PCDHGB5: variants seen among roughly 807,000 people sequenced by gnomAD.
PCDHGB5 encodes the protein protocadherin gamma-B5.
A neutral mutation model predicts 62.9 loss-of-function variants in PCDHGB5; 48 were observed. The observed-to-expected ratio is 0.76, with a 90% CI of 0.61 to 0.97. The LOEUF (loss-of-function observed/expected upper bound fraction) is 0.97, where lower values mean the gene tolerates loss of function less well. PCDHGB5 is among the 50% of genes least tolerant of loss of function. PCDHGB5 has a pLI of 0.00. For synonymous variants in PCDHGB5, 474 were observed against 511.2 expected (o/e 0.93, Z 0.98); for missense variants, 1,118 against 1,198.6 (o/e 0.93, Z 0.99).
intron 1 of PCDHGB5, among the ~76,000 whole-genome samples, chr5:141,433,790 T>A (rs1052636810): frequency 2.0e-5 from 3 of 151,564 alleles, no homozygotes; most frequent in South Asian, 4.2e-4. Flanking sequence ...TGAGCTGAGA[T>A]TGTGCCATTG....
intron 1 of PCDHGB5, among the ~76,000 whole-genome samples, chr5:141,437,499 CA>C (rs2097890101): frequency 6.6e-6 from 1 of 152,076 alleles, no homozygotes; most frequent in African/African-American, 2.4e-5. Context: ...GATCACTTTT[CA>C]ATGAATTATA....
chr5:141,417,141 C>T (rs1455831459), intron 1 of PCDHGB5: 1 of 152,018 alleles, frequency 6.6e-6, no homozygotes, highest in Non-Finnish European at 1.5e-5. Context: ...ATGACTAGGG[C>T]AATGGTTGCA....
At chr5:141,427,371 G>A (rs772247790) in intron 1 of PCDHGB5, 3 of 458,018 alleles carry the variant, frequency 6.5e-6, no homozygotes, top group East Asian at 6.9e-5. Context: ...ACCCTGGACG[G>A]TGATCACTCT....
chr5:141,487,256 G>A lies in PCDHGB5; in HGVS notation c.2398-7551G>A. ...ATCTCGTCTAACCCTCTACTTGGCTGTGTCCCTAGTGGCAATTTGCTTTGT... is the reference window on the plus strand; with the variant it reads ...ATCTCGTCTAACCCTCTACTTGGCTATGTCCCTAGTGGCAATTTGCTTTGT... On this transcript the variant is annotated intron_variant, in intron 1 of 3. Transcript: ENST00000617380. The surrounding 1 kb of genome is among the most constrained non-coding windows in gnomAD (Gnocchi z 5.0). The A allele has an allele frequency of 6.2e-7, 1 of 1,614,166 alleles. No individual in the cohort carries two copies. The highest frequency in any genetic ancestry group is 8.5e-7 in the Non-Finnish European group (1 of 1,180,032).
chr5:141,415,177 G>C, intron 1 of PCDHGB5: 3 of 1,613,926 alleles, frequency 1.9e-6, no homozygotes, highest in Non-Finnish European at 2.5e-6. Context: ...CACCGTGGCC[G>C]TGGCCGACAG....
intron 1 of PCDHGB5, chr5:141,409,807 C>T (rs1561723178): frequency 1.2e-6 from 2 of 1,611,592 alleles, no homozygotes; most frequent in Non-Finnish European, 1.7e-6. Flanking sequence ...TGCAGGCCCG[C>T]GACCACGGCT....
At chr5:141,481,963 TA>T (rs1158466251) in intron 1 of PCDHGB5, among the ~76,000 whole-genome samples, 1 of 148,746 alleles carries the variant, frequency 6.7e-6, no homozygotes, top group Non-Finnish European at 1.5e-5. Context: ...CAGGTGCCTG[TA>T]GTCACAGCTA....
intron 1 of PCDHGB5, chr5:141,413,055 C>G: frequency 9.8e-7 from 1 of 1,019,544 alleles, no homozygotes; most frequent in Non-Finnish European, 1.4e-6. Flanking sequence ...GGGAAGCTCA[C>G]TCCAGAATTT....
At chr5:141,409,212 T>C (rs751644523) in intron 1 of PCDHGB5, 1 of 1,613,924 alleles carries the variant, frequency 6.2e-7, no homozygotes, top group Non-Finnish European at 8.5e-7. Context: ...ATCATAGAAA[T>C]CCTTGATGAA....
intron 1 of PCDHGB5, chr5:141,409,921 G>C (rs767370997): frequency 2.7e-5 from 44 of 1,613,404 alleles, no homozygotes; most frequent in Non-Finnish European, 3.7e-5. Context: ...ACGGCTCCGC[G>C]TTCTTCGATA....
intron 1 of PCDHGB5, among the ~76,000 whole-genome samples, chr5:141,474,651 C>T (rs2099352565): frequency 6.6e-6 from 1 of 152,178 alleles, no homozygotes; most frequent in South Asian, 2.1e-4. Flanking sequence ...ATCCTTACTT[C>T]TTTTCTACCT....
chr5:141,459,827 A>T (rs779024675), intron 1 of PCDHGB5, among the ~76,000 whole-genome samples: 1 of 152,126 alleles, frequency 6.6e-6, no homozygotes, highest in Non-Finnish European at 1.5e-5. Context: ...GCAACTTTTC[A>T]TGTGTTGTCT....
intron 1 of PCDHGB5, among the ~76,000 whole-genome samples, chr5:141,407,336 G>A (rs1005803062): frequency 6.6e-6 from 1 of 152,240 alleles, no homozygotes; most frequent in Admixed American, 6.5e-5. Flanking sequence ...ATATTGAAAT[G>A]TATGTTAATT....
At position 141,403,597 on chromosome 5, in the gene PCDHGB5, G is replaced by T. The variant is rs772486529; in HGVS notation, c.2397+3073G>T. On this transcript the variant is annotated intron_variant, in intron 1 of 3. Transcript: ENST00000617380. ...CCCACCACCTGGTCCTCACGGCCTC[G>T]GATGGCGGCGAGCCGCGTCGCTCCA... The T allele has an allele frequency of 1.3e-5, 21 of 1,613,692 alleles. No individual in the cohort carries two copies. The African/African-American group carries it at 2.5e-4, about 19-fold the overall frequency.
intron 1 of PCDHGB5, chr5:141,419,816 C>A (rs910172118): frequency 7.4e-6 from 12 of 1,613,940 alleles, no homozygotes; most frequent in Non-Finnish European, 1.0e-5. Context: ...AGGACAGCCA[C>A]CCCTTTCAGC....
chr5:141,492,919 C>A (rs1019663003), intron 1 of PCDHGB5, among the ~76,000 whole-genome samples: 1 of 152,192 alleles, frequency 6.6e-6, no homozygotes, highest in Non-Finnish European at 1.5e-5. Context: ...ATGTGCCCAG[C>A]GATCTAGGGT....
At chr5:141,419,392 C>A (rs1338481275) in intron 1 of PCDHGB5, 1 of 1,613,612 alleles carries the variant, frequency 6.2e-7, no homozygotes, top group Non-Finnish European at 8.5e-7. Flanking sequence ...GCGCGCAGAG[C>A]GGGGTGGTGT....
intron 1 of PCDHGB5, chr5:141,428,734 A>G (rs922346225): frequency 1.9e-5 from 3 of 158,252 alleles, no homozygotes; most frequent in Non-Finnish European, 2.8e-5. Context: ...TAAACATATT[A>G]TATCTACTAT....
intron 1 of PCDHGB5, among the ~76,000 whole-genome samples, chr5:141,420,727 G>C (rs1454487477): frequency 2.0e-5 from 3 of 152,180 alleles, no homozygotes; most frequent in African/African-American, 7.2e-5. Flanking sequence ...CTTTCAGTCG[G>C]TTAAAATCAA....
Sources: allele counts gnomAD v4.1 joint callset (sites outside exome capture counted in the v4.1 genomes callset), GRCh38; gene constraint gnomAD v4.1.1; non-coding constraint Gnocchi (gnomAD v3.1); transcripts MANE v1.5; gene names NCBI Gene and HGNC (gene_info 2026-07-23, HGNC 2026-07-21).